Variants in NTN1 observed in about 807,000 individuals in gnomAD.
NTN1 encodes the protein netrin-1.
In NTN1, 11 loss-of-function variants were observed where a neutral mutation model predicts 54.2. The observed-to-expected ratio is 0.20, with a 90% CI of 0.13 to 0.34. The LOEUF (loss-of-function observed/expected upper bound fraction) is 0.34, where lower values mean the gene tolerates loss of function less well. NTN1 is among the 10% of genes least tolerant of loss of function. NTN1 has a pLI of 1.00. For synonymous variants in NTN1, 371 were observed against 382.0 expected, an observed-to-expected ratio of 0.97 and a Z score of 0.33; for missense variants, 740 against 893.1, an observed-to-expected ratio of 0.83 and a Z score of 2.18.
chr17:9,112,932 T>C (rs1462596935), intron 2 of NTN1, among the ~76,000 whole-genome samples: 4 of 152,196 alleles, frequency 2.6e-5, no homozygotes, highest in Middle Eastern at 3.4e-3. Flanking sequence ...GAAAATGTGT[T>C]AGATACGATT....
intron 2 of NTN1, among the ~76,000 whole-genome samples, chr17:9,076,270 C>A (rs913508915): frequency 6.6e-5 from 10 of 152,212 alleles, no homozygotes; most frequent in Admixed American, 1.3e-4. Context: ...TCCATCCACA[C>A]CAGCCTGCAC....
rs577380730 is a variant in NTN1, at chr17:9,222,520, A to G, written c.1486+1278A>G. On this transcript the variant is annotated intron_variant, in intron 6 of 6. Transcript: ENST00000173229. ...CTTGCTGAGTGTATACGGGGAGGAC[A>G]GAGCACGGGTGCCTAACAGGCTCCC... Among the ~76,000 whole-genome samples the G allele has an allele frequency of 3.9e-5, 6 of 152,374 alleles. No individual in the cohort carries two copies. In the East Asian group the frequency reaches 1.2e-3, roughly 29 times the overall value.
rs566245611 is a variant in NTN1, at chr17:9,059,133, C to T, written c.1018+35742C>T. On this transcript the variant is annotated intron_variant, in intron 2 of 6. Transcript: ENST00000173229. ...CATTCATGGTGATGCCTACCTGCTACGTGGCCGGCACATGCTGAATCCTGG... is the reference window on the plus strand; with the variant it reads ...CATTCATGGTGATGCCTACCTGCTATGTGGCCGGCACATGCTGAATCCTGG... 5.0e-4 allele frequency among the ~76,000 whole-genome samples: 76 copies of T among 152,260 alleles called. 1 individual carries two copies. Among genetic ancestry groups the T allele is most frequent in the Admixed American group, 1.4e-3 (22 of 15,290 alleles).
At chr17:9,011,164 G>A in the NTN1 span, among the ~76,000 whole-genome samples, 2 of 152,164 alleles carry the variant, frequency 1.3e-5, no homozygotes, top group Non-Finnish European at 2.9e-5. Flanking sequence ...GATGGGGAGT[G>A]GTTGTAAATA....
At chr17:9,157,163 G>A (rs986280387) in intron 2 of NTN1, among the ~76,000 whole-genome samples, 1 of 152,338 alleles carries the variant, frequency 6.6e-6, no homozygotes, top group South Asian at 2.1e-4. Context: ...AAGAGCAAAC[G>A]CTGTCCCTAT....
intron 2 of NTN1, among the ~76,000 whole-genome samples, chr17:9,132,663 T>C (rs972763154): frequency 6.6e-6 from 1 of 151,878 alleles, no homozygotes; most frequent in African/African-American, 2.4e-5. Context: ...TCACCTGAGG[T>C]TGGGAGTTCA....
intron 6 of NTN1, among the ~76,000 whole-genome samples, chr17:9,231,294 C>CTGG (rs1195853573): frequency 1.3e-4 from 13 of 102,498 alleles, no homozygotes; most frequent in Middle Eastern, 4.4e-3. Flanking sequence ...CATGGGGTAC[C>CTGG]CGGGGGGGGA....
At chr17:9,077,431 AG>A (rs1350706784) in intron 2 of NTN1, among the ~76,000 whole-genome samples, 1 of 152,334 alleles carries the variant, frequency 6.6e-6, no homozygotes, top group East Asian at 1.9e-4. Flanking sequence ...CTACCAATCC[AG>A]GCCATATACC....
At chr17:9,098,147 A>G (rs2092138184) in intron 2 of NTN1, among the ~76,000 whole-genome samples, 1 of 152,198 alleles carries the variant, frequency 6.6e-6, no homozygotes, top group Admixed American at 6.5e-5. Context: ...GGCATCGTTT[A>G]CTTCCAAGTT....
chr17:9,196,678 T>TC, intron 5 of NTN1, among the ~76,000 whole-genome samples: 1 of 152,156 alleles, frequency 6.6e-6, no homozygotes, highest in East Asian at 1.9e-4. Context: ...CCCTCCCCAT[T>TC]CCCCCCTCCA....
Position 9,239,769 on chromosome 17 carries a change from C to G in NTN1, c.1616C>G (p.Ser539Trp), listed in dbSNP as rs930889503. Residue 539 changes from serine to tryptophan, a missense_variant, in exon 7 of 7, where the codon TCG becomes TGG. Transcript: ENST00000173229. This position sits in a 1 kb window ranked among gnomAD's most constrained non-coding sequence, Gnocchi z 5.2. ...RRGDQSLWIR[S>W]RDIACKCPKI... ...GGTGACCAGAGCCTGTGGATCCGCT[C>G]GCGGGACATCGCCTGCAAGTGTCCC... 6.2e-7 allele frequency: 1 copy of G among 1,613,778 alleles called. No individual in the cohort carries two copies. Among genetic ancestry groups the G allele is most frequent in the Non-Finnish European group, 8.5e-7 (1 of 1,180,032 alleles).
At chr17:9,026,333 T>C (rs2091870348) in intron 2 of NTN1, among the ~76,000 whole-genome samples, 1 of 143,710 alleles carries the variant, frequency 7.0e-6, no homozygotes, top group South Asian at 2.2e-4. Flanking sequence ...TTCTATGGAA[T>C]AAAATGTGAA....
At chr17:9,081,584 C>T (rs2092071342) in intron 2 of NTN1, among the ~76,000 whole-genome samples, 1 of 152,298 alleles carries the variant, frequency 6.6e-6, no homozygotes, top group African/African-American at 2.4e-5. Context: ...CACATCCTGC[C>T]ATGAAGTACT....
chr17:9,123,895 G>A (rs1378176996), intron 2 of NTN1, among the ~76,000 whole-genome samples: 22 of 152,202 alleles, frequency 1.4e-4, no homozygotes, highest in Admixed American at 1.4e-3. Context: ...GGTTATTCAT[G>A]TTGTTGTACC....
At chr17:9,229,616 G>C (rs535639111) in intron 6 of NTN1, among the ~76,000 whole-genome samples, 1 of 151,776 alleles carries the variant, frequency 6.6e-6, no homozygotes, top group East Asian at 1.9e-4. Context: ...CCTTGGAGGA[G>C]AGACCACAGA....
intron 2 of NTN1, among the ~76,000 whole-genome samples, chr17:9,099,804 G>T (rs533173596): frequency 6.6e-6 from 1 of 151,818 alleles, no homozygotes; most frequent in Non-Finnish European, 1.5e-5. Flanking sequence ...CTATGTAATA[G>T]GCAAAATAGT....
At chr17:9,162,684 C>A (rs2072321) in intron 2 of NTN1, 129 bp from the exon 3 acceptor site, 1 of 846,378 alleles carries the variant, frequency 1.2e-6, no homozygotes, top group African/African-American at 1.7e-5. Context: ...TCCTGGAGCA[C>A]AAGTCTGCCT....
intron 2 of NTN1, among the ~76,000 whole-genome samples, chr17:9,057,438 A>G (rs1204508695): frequency 1.6e-4 from 25 of 151,848 alleles, no homozygotes. Flanking sequence ...TTATCACTAT[A>G]TTGTTTGCTT....
chr17:9,044,663 T>C (rs535092836), intron 2 of NTN1, among the ~76,000 whole-genome samples: 61 of 152,316 alleles, frequency 4.0e-4, no homozygotes, highest in Non-Finnish European at 8.1e-4. Flanking sequence ...ACAATGTTTA[T>C]ATTTATTGAC....
Sources: gnomAD v4.1 joint callset for allele counts (sites outside exome capture counted in the v4.1 genomes callset) on GRCh38, gnomAD v4.1.1 for gene constraint, Gnocchi (gnomAD v3.1) non-coding constraint, MANE v1.5 for transcripts, NCBI Gene and HGNC (gene_info 2026-07-23, HGNC 2026-07-21) for gene names.